Variants in DNER observed in about 807,000 individuals in gnomAD.
The protein encoded by DNER is delta and Notch-like epidermal growth factor-related receptor.
A neutral mutation model predicts 78.2 loss-of-function variants in DNER; 33 were observed. The observed-to-expected ratio is 0.42, with a 90% confidence interval of 0.32 to 0.56. The LOEUF (loss-of-function observed/expected upper bound fraction) is 0.56. Among genes scored for constraint, DNER ranks in the 20% least tolerant of loss-of-function variants. DNER has a pLI of 0.11. For synonymous variants in DNER, 417 were observed against 384.8 expected (o/e 1.08, Z -0.98); for missense variants, 918 against 975.3 (o/e 0.94, Z 0.78).
chr2:229,445,218 G>A (rs918219047), intron 8 of DNER, among the ~76,000 whole-genome samples: 23 of 152,216 alleles, frequency 1.5e-4, no homozygotes, highest in African/African-American at 4.6e-4. Context: ...AAGGGCCAGC[G>A]CCACACTGCC....
At chr2:229,584,910 A>G (rs1697471405) in intron 4 of DNER, among the ~76,000 whole-genome samples, 1 of 151,038 alleles carries the variant, frequency 6.6e-6, no homozygotes, top group Admixed American at 6.6e-5. Context: ...AAAAAAAAAA[A>G]AGAAGAAGAA....
rs186464910 is a variant in DNER, at chr2:229,424,564, G to A, written c.1487-6334C>T. On this transcript the variant is annotated intron_variant, in intron 8 of 12. Coordinates refer to ENST00000341772, the MANE Select transcript of DNER (RefSeq NM_139072.4). Reference sequence around the variant, plus strand: ...CTCTCCCCTTGGCTTGCAGACGGCCGCCTTCTCTATGAGTCCTCACATGTC... The same window carrying A: ...CTCTCCCCTTGGCTTGCAGACGGCCACCTTCTCTATGAGTCCTCACATGTC... Among the ~76,000 whole-genome samples, 175 of 152,204 alleles carry A rather than the reference G, an allele frequency of 1.1e-3. No homozygotes were observed. The East Asian group carries it at 0.015, about 13-fold the overall frequency.
chr2:229,554,932 GA>G lies in DNER; in HGVS notation c.848-7841del, dbSNP rs1696827821. Among the ~76,000 whole-genome samples the G allele has an allele frequency of 7.3e-3, 286 of 39,028 alleles. 3 individuals are homozygous for G. Among genetic ancestry groups the G allele is most frequent in the Admixed American group, 0.013 (37 of 2,826 alleles). The allele number at this position is 39,028 out of a possible 152,430, so 25.6% of individuals were successfully genotyped here. On this transcript the variant is annotated intron_variant, in intron 4 of 12. Transcript: ENST00000341772. ...GAAGAGAAGAGAAGAGAAGAGAAGA[GA>G]AGAGAGAAAAGGGAAGGGAAGGGAA...
At chr2:229,512,451 T>C (rs1336822562) in intron 6 of DNER, among the ~76,000 whole-genome samples, 1 of 151,462 alleles carries the variant, frequency 6.6e-6, no homozygotes, top group African/African-American at 2.4e-5. Context: ...TCACTCTAAG[T>C]GAAGTAGCTC....
chr2:229,658,252 A>G (rs1333319710), intron 1 of DNER, among the ~76,000 whole-genome samples: 1 of 152,224 alleles, frequency 6.6e-6, no homozygotes, highest in East Asian at 1.9e-4. Flanking sequence ...TGCAAATTTT[A>G]TTCAAGCATC....
At chr2:229,411,147 T>C (rs1693510106) in intron 9 of DNER, among the ~76,000 whole-genome samples, 1 of 152,158 alleles carries the variant, frequency 6.6e-6, no homozygotes, top group South Asian at 2.1e-4. Context: ...GTGCACAAAA[T>C]AACCAGAAAT....
chr2:229,531,854 A>G (rs1696309490), intron 5 of DNER, among the ~76,000 whole-genome samples: 1 of 152,226 alleles, frequency 6.6e-6, no homozygotes, highest in South Asian at 2.1e-4. Flanking sequence ...ACATGCTACA[A>G]TATGGATGAG....
intron 3 of DNER, chr2:229,587,112 C>G (rs1005569077): frequency 1.4e-5 from 7 of 492,548 alleles, no homozygotes; most frequent in African/African-American, 1.3e-4. Flanking sequence ...AGATAGAAGA[C>G]CAGAAAATTT....
chr2:229,698,891 A>G (rs1008845195), intron 1 of DNER, among the ~76,000 whole-genome samples: 15 of 152,150 alleles, frequency 9.9e-5, no homozygotes, highest in African/African-American at 3.6e-4. Context: ...AACCAAAAAA[A>G]CCAATGGCCA....
chr2:229,381,228 G>A (rs116071287), intron 11 of DNER, among the ~76,000 whole-genome samples: 2,996 of 151,936 alleles, frequency 0.02, 92 homozygotes, highest in African/African-American at 0.067. Flanking sequence ...CGTGAGGAAC[G>A]GTGCACTCCA....
chr2:229,387,517 AAGAAAG>A (rs1339072761), intron 11 of DNER, among the ~76,000 whole-genome samples: 1 of 84,522 alleles, frequency 1.2e-5, no homozygotes, highest in African/African-American at 4.7e-5. Flanking sequence ...GAGAGAAAGA[AAGAAAG>A]AAAGAAAGAA....
chr2:229,632,297 C>T (rs991324411), intron 1 of DNER, among the ~76,000 whole-genome samples: 1 of 152,140 alleles, frequency 6.6e-6, no homozygotes, highest in Admixed American at 6.5e-5. Context: ...TAACATATTA[C>T]AAAACATTGA....
intron 6 of DNER, among the ~76,000 whole-genome samples, chr2:229,505,219 T>TGTGTGTGTGTGTGTGA (rs56268741): frequency 6.7e-6 from 1 of 149,256 alleles, no homozygotes; most frequent in Non-Finnish European, 1.5e-5. Flanking sequence ...TGTGTGTGTG[T>TGTGTGTGTGTGTGTGA]TGGCTACAAT....
At position 229,378,674 on chromosome 2, in the gene DNER, T is replaced by C. The variant is rs72980635; in HGVS notation, c.1855+9591A>G. ...TAGATCTACTGACTAGACTTTGAGA[T>C]ATCCAGGCATCCTCCTCTTGGTTTC... On this transcript the variant is annotated intron_variant, in intron 11 of 12. Coordinates refer to ENST00000341772, the MANE Select transcript of DNER (RefSeq NM_139072.4). Among the ~76,000 whole-genome samples the C allele has an allele frequency of 3.5e-3, 531 of 152,290 alleles. 2 individuals carry two copies. The highest frequency in any genetic ancestry group is 6.0e-3 in the Non-Finnish European group (405 of 68,028).
intron 6 of DNER, among the ~76,000 whole-genome samples, chr2:229,485,634 T>C (rs1369275861): frequency 1.3e-5 from 2 of 152,054 alleles, no homozygotes; most frequent in Admixed American, 1.3e-4. Context: ...TCCCTTCAAA[T>C]GAAGAAAACC....
intron 9 of DNER, among the ~76,000 whole-genome samples, chr2:229,415,532 T>C (rs887730331): frequency 6.6e-6 from 1 of 152,220 alleles, no homozygotes; most frequent in Non-Finnish European, 1.5e-5. Context: ...CAAGAGACTT[T>C]CCTTCACCAT....
chr2:229,480,989 G>A (rs1333596361), intron 6 of DNER, among the ~76,000 whole-genome samples: 2 of 152,184 alleles, frequency 1.3e-5, no homozygotes, highest in East Asian at 3.9e-4. Context: ...GGGTGTAGGA[G>A]GAAGCAGGGA....
intron 12 of DNER, among the ~76,000 whole-genome samples, chr2:229,361,642 C>T (rs1415560533): frequency 1.3e-5 from 2 of 152,126 alleles, no homozygotes; most frequent in African/African-American, 2.4e-5. Context: ...ATGTTTTGTG[C>T]ATTATTCTTC....
intron 11 of DNER, among the ~76,000 whole-genome samples, chr2:229,373,536 T>C (rs1349080941): frequency 3.9e-5 from 6 of 152,194 alleles, no homozygotes; most frequent in Non-Finnish European, 5.9e-5. Context: ...TTTGGAGATT[T>C]CTCAAAGAAT....
Sources: allele counts gnomAD v4.1 joint callset (sites outside exome capture counted in the v4.1 genomes callset), GRCh38; gene constraint gnomAD v4.1.1; transcripts MANE v1.5; gene names NCBI Gene and HGNC (gene_info 2026-07-23, HGNC 2026-07-21).